TP53BP1: variants seen among roughly 807,000 people sequenced by gnomAD.
TP53BP1 encodes the protein TP53-binding protein 1.
A neutral mutation model predicts 200.8 loss-of-function variants in TP53BP1; 61 were observed. The observed-to-expected ratio is 0.30, with a 90% confidence interval of 0.25 to 0.38. The LOEUF is 0.38. Among genes scored for constraint, TP53BP1 ranks in the 10% least tolerant of loss-of-function variants. The pLI is 1.00. For missense variants in TP53BP1, 2,144 were observed against 2,371.9 expected (o/e 0.90, Z 2.00); for synonymous variants, 822 against 844.3 (o/e 0.97, Z 0.46).
intron 12 of TP53BP1, among the ~76,000 whole-genome samples, chr15:43,451,066 T>C (rs561325411): frequency 2.6e-5 from 4 of 152,144 alleles, no homozygotes; most frequent in Admixed American, 6.5e-5. Context: ...TTAAAATCAA[T>C]AAATCTATTA....
intron 25 of TP53BP1, 51 bp downstream of exon 25, chr15:43,409,596 G>C: frequency 9.7e-7 from 1 of 1,026,108 alleles, no homozygotes; most frequent in Non-Finnish European, 1.4e-6. Flanking sequence ...AACACAGCAA[G>C]TTGGCTCTTA....
At chr15:43,411,427 C>G (rs1363190473) in intron 24 of TP53BP1, among the ~76,000 whole-genome samples, 1 of 152,224 alleles carries the variant, frequency 6.6e-6, no homozygotes, top group Admixed American at 6.5e-5. Context: ...AAATATATCT[C>G]ATAAGATGAA....
At chr15:43,433,391 G>A (rs746812236) in intron 16 of TP53BP1, among the ~76,000 whole-genome samples, 2 of 151,974 alleles carry the variant, frequency 1.3e-5, no homozygotes, top group African/African-American at 4.8e-5. Context: ...CACATACCAC[G>A]ATTTCCGAAG....
rs771426397 is a variant in TP53BP1 at position 43,404,949 on chromosome 15, T to C, written c.*2434A>G. On this transcript the variant is annotated 3_prime_UTR_variant, in exon 28 of 28. Coordinates refer to ENST00000382044, the MANE Select transcript of TP53BP1 (RefSeq NM_001141980.3). ...TCTAACTCTAAACTTTAAAAAAAAC[T>C]GATACCGAGATTCAGTGGTAGCTGG... is the stretch of plus-strand genomic sequence containing the variant. The C allele has an allele frequency of 7.5e-6, 4 of 536,048 alleles. No individual in the cohort carries two copies. Among genetic ancestry groups the C allele is most frequent in the African/African-American group, 1.9e-5 (1 of 51,950 alleles). The allele number at this position is 536,048 out of a possible 1,614,324, so 33.2% of individuals were successfully genotyped here.
At chr15:43,430,824 T>G (rs1014597151) in intron 17 of TP53BP1, among the ~76,000 whole-genome samples, 2 of 152,230 alleles carry the variant, frequency 1.3e-5, no homozygotes, top group Admixed American at 6.5e-5. Flanking sequence ...GTTCACAATT[T>G]CATGGATAGA....
In TP53BP1 at chr15:43,471,319, T is replaced by C. The variant is rs1267302299; in HGVS notation, c.1181-1253A>G. Among the ~76,000 whole-genome samples, 4 of 152,204 alleles carry C rather than the reference T, an allele frequency of 2.6e-5. No individual in the cohort carries two copies. In the East Asian group the frequency reaches 7.7e-4, roughly 29 times the overall value. ...ACTGAAATATATCCAAATATACTAG[T>C]TGTAGCTATATCTGGAGTGTAGTAT... On this transcript the variant is annotated intron_variant, in intron 10 of 27. Coordinates refer to ENST00000382044, the MANE Select transcript of TP53BP1 (RefSeq NM_001141980.3).
chr15:43,430,310 T>C (rs2045640439), intron 17 of TP53BP1, among the ~76,000 whole-genome samples: 2 of 152,206 alleles, frequency 1.3e-5, no homozygotes, highest in Non-Finnish European at 2.9e-5. Context: ...CACCGACACC[T>C]GGAAAACTTG....
intron 8 of TP53BP1, 38 bp from the exon 9 acceptor site, chr15:43,475,732 A>G (rs1421311813): frequency 6.2e-7 from 1 of 1,611,796 alleles, no homozygotes; most frequent in Non-Finnish European, 8.5e-7. Context: ...TCTCAGATTG[A>G]CACTACTGAG....
chr15:43,492,436 C>T lies in TP53BP1; in HGVS notation c.40G>A (p.Asp14Asn). ...GTATCTTGCTGAGAGAAATCTGAAT[C>T]CAACTGACTTCCAGTAGGGTCCATC... ...EQMDPTGSQL[D>N]SDFSQQDTPC... The change falls in exon 2 of 28, where the codon GAT (aspartate) becomes AAT (asparagine). Residue 14 changes from aspartate (D) to asparagine (N), a missense_variant. Transcript: ENST00000382044. 1 of 1,614,004 alleles carries T rather than the reference C, an allele frequency of 6.2e-7. No individual in the cohort carries two copies. Among genetic ancestry groups the T allele is most frequent in the East Asian group, 2.2e-5 (1 of 44,880 alleles).
In TP53BP1 at chr15:43,409,109, A is replaced by C. The variant is rs45490398; in HGVS notation, c.5401-13T>G. 1,005 of 1,613,758 alleles carry C rather than the reference A, an allele frequency of 6.2e-4. 3 individuals are homozygous for C. The highest frequency in any genetic ancestry group is 5.0e-3 in the African/African-American group (372 of 75,052). ...AAGCTGTGTTACACTGCAAGAAAAG[A>C]AGCAGAGCCAATGGGTTTGGTGACT... On this transcript the variant is annotated splice_polypyrimidine_tract_variant and intron_variant, in intron 25 of 27. Coordinates refer to ENST00000382044, the MANE Select transcript of TP53BP1 (RefSeq NM_001141980.3).
intron 8 of TP53BP1, 136 bp downstream of exon 8, chr15:43,477,457 A>C (rs1042302398): frequency 1.1e-5 from 8 of 758,252 alleles, no homozygotes; most frequent in Non-Finnish European, 1.6e-5. Context: ...TAATTACTAG[A>C]AACACGTTTT....
At chr15:43,409,165 A>G in intron 25 of TP53BP1, 69 bp from the exon 26 acceptor site, 1 of 1,461,630 alleles carries the variant, frequency 6.8e-7, no homozygotes, top group Non-Finnish European at 9.5e-7. Flanking sequence ...AGCAGCCATA[A>G]TGAGCCATGA....
Position 43,407,317 on chromosome 15 carries a change from TTTAAAACCTGG to T in TP53BP1, c.*55_*65del. ...GGAATCCAGTTACACACAAGACACA[TTTAAAACCTGG>T]TTAAAACACAATCTCCACGATAGCA... On this transcript the variant is annotated 3_prime_UTR_variant, in exon 28 of 28. Transcript: ENST00000382044. The T allele has an allele frequency of 6.9e-7, 1 of 1,457,444 alleles. No individual in the cohort carries two copies. Among genetic ancestry groups the T allele is most frequent in the Non-Finnish European group, 9.5e-7 (1 of 1,050,282 alleles). 90.3% of individuals were successfully genotyped at this position (1,457,444 alleles called of 1,614,324 possible).
At chr15:43,453,074 A>G (rs1421026712) in intron 12 of TP53BP1, among the ~76,000 whole-genome samples, 3 of 151,444 alleles carry the variant, frequency 2.0e-5, no homozygotes, top group Admixed American at 6.6e-5. Flanking sequence ...GGCGCCTGTA[A>G]TCCCAGCTAC....
At chr15:43,441,317 C>G in intron 15 of TP53BP1, 2 of 457,650 alleles carry the variant, frequency 4.4e-6, no homozygotes, top group Non-Finnish European at 7.7e-6. Context: ...TTTCAATTAT[C>G]TTAGTTCTAG....
intron 4 of TP53BP1, among the ~76,000 whole-genome samples, chr15:43,490,256 A>G (rs1474245868): frequency 6.6e-6 from 1 of 151,792 alleles, no homozygotes; most frequent in Non-Finnish European, 1.5e-5. Flanking sequence ...CACCTCGTTA[A>G]TTTTTGTATT....
At chr15:43,485,599 T>C (rs534312465) in intron 4 of TP53BP1, among the ~76,000 whole-genome samples, 7 of 49,290 alleles carry the variant, frequency 1.4e-4, no homozygotes, top group African/African-American at 4.1e-4. Context: ...AGAAAGTACT[T>C]TGGGAGGCCG....
At chr15:43,419,155 G>T (rs571625356) in intron 21 of TP53BP1, among the ~76,000 whole-genome samples, 1 of 152,340 alleles carries the variant, frequency 6.6e-6, no homozygotes, top group African/African-American at 2.4e-5. Flanking sequence ...GGAAGCTAGA[G>T]GTTGCAGTGA....
intron 14 of TP53BP1, among the ~76,000 whole-genome samples, chr15:43,445,643 C>T (rs1220464079): frequency 4.6e-5 from 7 of 152,144 alleles, no homozygotes; most frequent in Non-Finnish European, 7.3e-5. Context: ...CTTGGGAGTA[C>T]TATTATGGAA....
Sources: allele counts gnomAD v4.1 joint callset (sites outside exome capture counted in the v4.1 genomes callset), GRCh38; gene constraint gnomAD v4.1.1; transcripts MANE v1.5; gene names NCBI Gene and HGNC (gene_info 2026-07-23, HGNC 2026-07-21).